IL23R: variants seen among roughly 807,000 people sequenced by gnomAD.
IL23R encodes the protein interleukin-23 receptor.
Under a neutral mutation model 56.9 loss-of-function variants are expected in IL23R, and 34 were observed. The observed-to-expected ratio is 0.60, with a 90% CI of 0.45 to 0.80. The LOEUF is 0.80. Ranked by LOEUF, IL23R falls within the 30% of genes least tolerant of loss-of-function variation. IL23R has a pLI of 0.00. For synonymous variants in IL23R, 230 were observed against 249.2 expected (o/e 0.92, Z 0.73); for missense variants, 635 against 730.0 (o/e 0.87, Z 1.50).
At chr1:67,152,957 C>T (rs530857535) in intron 1 of IL23R, among the ~76,000 whole-genome samples, 6 of 152,268 alleles carry the variant, frequency 3.9e-5, no homozygotes, top group African/African-American at 1.4e-4. Flanking sequence ...ATGATGCTGG[C>T]CTCATAAAAT....
chr1:67,182,290 C>A (rs181332643), intron 3 of IL23R, among the ~76,000 whole-genome samples: 1 of 152,318 alleles, frequency 6.6e-6, no homozygotes, highest in East Asian at 1.9e-4. Flanking sequence ...CCACCCAGTT[C>A]GAGCTTCCCA....
rs767932487 is a variant in IL23R, at chr1:67,224,254, G to A, written c.955+4524G>A. Among the ~76,000 whole-genome samples the A allele has an allele frequency of 7.2e-5, 11 of 152,292 alleles. No homozygotes were observed. The East Asian group carries it at 1.9e-3, about 27-fold the overall frequency. On this transcript the variant is annotated intron_variant, in intron 7 of 10. Coordinates refer to ENST00000347310, the MANE Select transcript of IL23R (RefSeq NM_144701.3). ...AGACTTCACAGCTGAAGTATGAATT[G>A]CCTCACAAATGAAAAAATAAAATGA...
chr1:67,256,511 A>T (rs868613524), intron 10 of IL23R, among the ~76,000 whole-genome samples: 23 of 152,204 alleles, frequency 1.5e-4, no homozygotes, highest in Admixed American at 4.6e-4. Context: ...GGGAAGGAAC[A>T]AGCTATGTGT....
At chr1:67,238,385 A>G (rs560696821) in intron 8 of IL23R, among the ~76,000 whole-genome samples, 35 of 151,730 alleles carry the variant, frequency 2.3e-4, no homozygotes, top group Non-Finnish European at 4.4e-4. Flanking sequence ...AAAAAGAAAC[A>G]TGAAGAAAGG....
chr1:67,225,861 G>A (rs879002377), intron 7 of IL23R, among the ~76,000 whole-genome samples: 4 of 152,266 alleles, frequency 2.6e-5, no homozygotes, highest in East Asian at 3.9e-4. Context: ...TTTGCCAAGC[G>A]ATACTTCTGC....
intron 7 of IL23R, among the ~76,000 whole-genome samples, chr1:67,224,863 G>A (rs1052750989): frequency 6.6e-6 from 1 of 152,184 alleles, no homozygotes; most frequent in Non-Finnish European, 1.5e-5. Flanking sequence ...TGCTTACTAA[G>A]TGTTGGGCAT....
intron 7 of IL23R, among the ~76,000 whole-genome samples, chr1:67,226,944 T>G (rs1570887815): frequency 1.3e-5 from 2 of 152,342 alleles, no homozygotes; most frequent in South Asian, 4.1e-4. Flanking sequence ...GATATAGGAC[T>G]GTTGTCGTAA....
upstream of IL23R, among the ~76,000 whole-genome samples, chr1:67,164,369 A>G (rs1239730832): frequency 2.6e-5 from 4 of 152,178 alleles, no homozygotes; most frequent in Non-Finnish European, 4.4e-5. Flanking sequence ...GAGGCGTCTC[A>G]CGCCTGTAAT....
At chr1:67,140,186 T>C (rs1570748234) in intron 1 of IL23R, among the ~76,000 whole-genome samples, 2 of 152,272 alleles carry the variant, frequency 1.3e-5, no homozygotes, top group South Asian at 2.1e-4. Context: ...TGGACTAAGA[T>C]AGCATCTTGC....
At chr1:67,203,659 G>A (rs1265944462) in intron 5 of IL23R, among the ~76,000 whole-genome samples, 1 of 152,152 alleles carries the variant, frequency 6.6e-6, no homozygotes, top group Non-Finnish European at 1.5e-5. Flanking sequence ...CAGATGAGCC[G>A]TCTTCATGGG....
intron 7 of IL23R, among the ~76,000 whole-genome samples, chr1:67,230,959 C>G (rs188679832): frequency 6.6e-6 from 1 of 151,596 alleles, no homozygotes. Context: ...AAAGGAGATG[C>G]GAAAGAGAGA....
At chr1:67,190,066 G>T (rs1289405544) in intron 4 of IL23R, among the ~76,000 whole-genome samples, 3 of 152,180 alleles carry the variant, frequency 2.0e-5, no homozygotes, top group African/African-American at 7.2e-5. Flanking sequence ...TCTTCTAAAC[G>T]TTCAGTTATT....
intron 9 of IL23R, among the ~76,000 whole-genome samples, chr1:67,251,592 T>A (rs901250528): frequency 6.6e-6 from 1 of 152,152 alleles, no homozygotes; most frequent in Admixed American, 6.6e-5. Flanking sequence ...ACTTTAGCCA[T>A]GCCAAGTGGC....
intron 1 of IL23R, among the ~76,000 whole-genome samples, chr1:67,153,250 A>G (rs965977208): frequency 6.6e-6 from 1 of 152,174 alleles, no homozygotes; most frequent in Non-Finnish European, 1.5e-5. Flanking sequence ...TGTTTATAGT[A>G]TTCCCTGATG....
At chr1:67,179,558 CA>C (rs201216439) in intron 3 of IL23R, among the ~76,000 whole-genome samples, 4 of 150,710 alleles carry the variant, frequency 2.7e-5, no homozygotes, top group African/African-American at 9.7e-5. Flanking sequence ...TTGATTTTTT[CA>C]AAAAAAACAG....
chr1:67,143,203 C>G (rs996208616), intron 1 of IL23R, among the ~76,000 whole-genome samples: 4 of 152,266 alleles, frequency 2.6e-5, no homozygotes, highest in East Asian at 1.9e-4. Context: ...AGAAAAAAAT[C>G]TTTAGACTGT....
At chr1:67,147,903 T>G (rs1449103662) in intron 1 of IL23R, among the ~76,000 whole-genome samples, 1 of 152,004 alleles carries the variant, frequency 6.6e-6, no homozygotes, top group Non-Finnish European at 1.5e-5. Context: ...GCTCCCAAGA[T>G]GGGGTAAGCC....
chr1:67,200,125 C>T (rs1361429522), intron 4 of IL23R, among the ~76,000 whole-genome samples: 1 of 151,904 alleles, frequency 6.6e-6, no homozygotes, highest in Admixed American at 6.5e-5. Flanking sequence ...CTGCAAGCTC[C>T]TCCTCCTGGG....
intron 7 of IL23R, among the ~76,000 whole-genome samples, chr1:67,223,962 C>A (rs776026560): frequency 6.6e-6 from 1 of 151,412 alleles, no homozygotes; most frequent in African/African-American, 2.4e-5. Context: ...TGTATGTTGT[C>A]GAACTGCTTT....
Sources: allele counts gnomAD v4.1 joint callset (sites outside exome capture counted in the v4.1 genomes callset), GRCh38; gene constraint gnomAD v4.1.1; transcripts MANE v1.5; gene names NCBI Gene and HGNC (gene_info 2026-07-23, HGNC 2026-07-21).